MAP1S: variants seen among roughly 807,000 people sequenced by gnomAD.
MAP1S encodes the protein microtubule associated protein 1S.
A neutral mutation model predicts 60.9 loss-of-function variants in MAP1S; 27 were observed. The ratio of observed to expected loss-of-function variants is 0.44; its 90% CI spans 0.33 to 0.61. The LOEUF is 0.61. MAP1S is among the 20% of genes least tolerant of loss of function. The pLI is 0.03. For missense variants in MAP1S, 1,608 were observed against 1,486.6 expected, an observed-to-expected ratio of 1.08 and a Z score of -1.34; for synonymous variants, 826 against 694.2, an observed-to-expected ratio of 1.19 and a Z score of -2.98.
chr19:17,727,218 G>C lies in MAP1S; in HGVS notation c.1834G>C (p.Glu612Gln). The change falls in exon 5 of 7, where the codon GAG becomes CAG. Residue 612 changes from glutamate to glutamine, a missense_variant. Physicochemically the swap from Glu to Gln is conservative, Grantham distance 29. This residue lies in a region of MAP1S where 1,167 missense variants were observed against 961.4 expected (regional missense o/e 1.21). Coordinates refer to ENST00000324096, the MANE Select transcript of MAP1S (RefSeq NM_018174.6). The surrounding 1 kb of genome is among the most constrained non-coding windows in gnomAD (Gnocchi z 4.1). Reference sequence around the variant, plus strand: ...CCAGCTGGTGGCCACGCCCAGCCTGGAGCTGGGGCCGATCCCAGCCGGGGA... The same window carrying C: ...CCAGCTGGTGGCCACGCCCAGCCTGCAGCTGGGGCCGATCCCAGCCGGGGA... ...ASQLVATPSL[E>Q]LGPIPAGEEK... 3.2e-6 allele frequency: 5 copies of C among 1,568,360 alleles called. No homozygotes were observed. In the Middle Eastern group the frequency reaches 6.7e-4, roughly 209 times the overall value.
At chr19:17,732,404 G>A (rs1385373490) in intron 5 of MAP1S, among the ~76,000 whole-genome samples, 3 of 152,280 alleles carry the variant, frequency 2.0e-5, no homozygotes, top group Admixed American at 6.5e-5. Context: ...TCTTGTGCCC[G>A]AGACCCAGCC....
At position 17,726,698 on chromosome 19, in the gene MAP1S, C is replaced by T. The variant is rs755373573; in HGVS notation, c.1314C>T (p.Pro438=). The T allele has an allele frequency of 5.5e-5, 87 of 1,589,310 alleles. No individual in the cohort carries two copies. The highest frequency in any genetic ancestry group is 6.8e-5 in the Non-Finnish European group (80 of 1,171,710). ...TGCTGTTCCCCGGTTGCACCCCGCC[C>T]GCCTGCCTCCTGGACGGCCTGGTCC... is the stretch of plus-strand genomic sequence containing the variant. ...VRVLFPGCTP[P]ACLLDGLVRL... The change falls in exon 5 of 7, where the codon CCC becomes CCT. Residue 438 remains proline, a synonymous_variant. Coordinates refer to ENST00000324096, the MANE Select transcript of MAP1S (RefSeq NM_018174.6).
At position 17,728,188 on chromosome 19, in the gene MAP1S, G is replaced by C; in HGVS notation, c.2788+16G>C. The C allele has an allele frequency of 2.6e-6, 4 of 1,554,752 alleles. No homozygotes were observed. Among genetic ancestry groups the C allele is most frequent in the Non-Finnish European group, 3.5e-6 (4 of 1,148,158 alleles). On this transcript the variant is annotated intron_variant, in intron 5 of 6. Transcript: ENST00000324096. ...GGCCCGTCGGGTGAGTACTGGAGCT[G>C]GGGCCCTGGGCTGGGTTAGCAGCTG...
intron 5 of MAP1S, among the ~76,000 whole-genome samples, chr19:17,730,123 G>A (rs1249750087): frequency 6.6e-6 from 1 of 152,030 alleles, no homozygotes; most frequent in Non-Finnish European, 1.5e-5. Flanking sequence ...TTTAATTTTG[G>A]ATGAACCGCC....
chr19:17,722,789 G>C (rs1275241169), intron 2 of MAP1S, among the ~76,000 whole-genome samples: 1 of 149,218 alleles, frequency 6.7e-6, no homozygotes, highest in Non-Finnish European at 1.5e-5. Flanking sequence ...GAGGGAGGGG[G>C]AGAGGGAGGG....
At position 17,727,621 on chromosome 19, in the gene MAP1S, A is replaced by G; in HGVS notation, c.2237A>G (p.Glu746Gly). 1 of 1,607,596 alleles carries G rather than the reference A, an allele frequency of 6.2e-7. No homozygotes were observed. ...TGCCTGGTGTCACCCTGTGAATTTG[A>G]GCATCGCAAGGCGGTGCCAATGGCA... ...DLCLVSPCEF[E>G]HRKAVPMAPA... Residue 746 changes from glutamate to glycine, a missense_variant, in exon 5 of 7, where the codon GAG (glutamate) becomes GGG (glycine). By Grantham distance (98) the Glu-to-Gly change is moderately conservative. Around this residue, in one of 4 missense-constraint regions of MAP1S, gnomAD observed 1,167 missense variants for 961.4 expected, o/e 1.21. Transcript: ENST00000324096. The surrounding 1 kb of genome is among the most constrained non-coding windows in gnomAD (Gnocchi z 4.1).
rs565421095 is a variant in MAP1S at position 17,719,845 on chromosome 19, G to C, written c.118+225G>C. 9.6e-3 allele frequency: 1,548 copies of C among 160,446 alleles called. 22 individuals are homozygous for C. The highest frequency in any genetic ancestry group is 0.022 in the Middle Eastern group (7 of 316). The allele number at this position is 160,446 out of a possible 1,614,324, so 9.9% of individuals were successfully genotyped here. On this transcript the variant is annotated intron_variant, in intron 1 of 6. Transcript: ENST00000324096. ...CGGAGAAAGTGGCATCCGGGCCTGG[G>C]CTGGGCAGGGCTGCCCCGCCCCAAC...
At chr19:17,723,787 G>A (rs772479820) in intron 2 of MAP1S, among the ~76,000 whole-genome samples, 11 of 152,130 alleles carry the variant, frequency 7.2e-5, no homozygotes, top group Admixed American at 1.3e-4. Flanking sequence ...GAGGAGGAGC[G>A]GAGCTTGCAG....
Position 17,720,573 on chromosome 19 carries a change from C to T in MAP1S, c.119-363C>T, listed in dbSNP as rs1850738213. 3.6e-6 allele frequency: 5 copies of T among 1,405,916 alleles called. No individual in the cohort carries two copies. In the East Asian group the frequency reaches 1.3e-4, roughly 36 times the overall value. 87.1% of individuals were successfully genotyped at this position (1,405,916 alleles called of 1,614,324 possible). The stretch of plus-strand genomic sequence containing the variant: ...CCGAAGGTGCTGAGGGGGAAGGGCC[C>T]CCTGGCCAGTAGGAACAGGTGGGGG... On this transcript the variant is annotated intron_variant, in intron 1 of 6. Transcript: ENST00000324096.
rs2080452564 is a variant in MAP1S, at chr19:17,727,737, A to C, written c.2353A>C (p.Thr785Pro). ...GCTGGGGGCCGAGGAGACGCCACCCACATCGGTCAGCGAGTCCCTGCCCAC... is the reference window on the plus strand; with the variant it reads ...GCTGGGGGCCGAGGAGACGCCACCCCCATCGGTCAGCGAGTCCCTGCCCAC... ...GGLGAEETPP[T>P]SVSESLPTLS... The change falls in exon 5 of 7, where the codon ACA becomes CCA. Residue 785 changes from threonine to proline, a missense_variant. This residue lies in a region of MAP1S where 1,167 missense variants were observed against 961.4 expected (regional missense o/e 1.21). Transcript: ENST00000324096. The surrounding 1 kb of genome is among the most constrained non-coding windows in gnomAD (Gnocchi z 4.1). 1.2e-6 allele frequency: 2 copies of C among 1,606,426 alleles called. No homozygotes were observed. Among genetic ancestry groups the C allele is most frequent in the Non-Finnish European group, 1.7e-6 (2 of 1,176,306 alleles).
Position 17,724,133 on chromosome 19 carries a change from G to C in MAP1S, c.228G>C (p.Arg76=). The C allele has an allele frequency of 6.2e-7, 1 of 1,613,816 alleles. No individual in the cohort carries two copies. The highest frequency in any genetic ancestry group is 1.1e-5 in the South Asian group (1 of 91,070). Residue 76 remains arginine, a synonymous_variant, in exon 3 of 7, where the codon CGG becomes CGC. Transcript: ENST00000324096. ...GGCCTGATTCCCCCACAGGCCAGCGGAGCCTGCACCACCGTGGAGACAACC... is the reference window on the plus strand; with the variant it reads ...GGCCTGATTCCCCCACAGGCCAGCGCAGCCTGCACCACCGTGGAGACAACC... The part of the protein sequence containing the change: ...ATFSSIVKGQ[R]SLHHRGDNLE...
chr19:17,720,462 AG>A lies in MAP1S; in HGVS notation c.119-472del, dbSNP rs372982771. 1.2e-4 allele frequency: 191 copies of A among 1,531,728 alleles called. 2 individuals carry two copies. The Middle Eastern group carries it at 3.7e-3, about 30-fold the overall frequency. The allele number at this position is 1,531,728 out of a possible 1,614,324, so 94.9% of individuals were successfully genotyped here. A position where few individuals can be genotyped will look rare whatever the true frequency, so the allele number is the denominator to read the frequency against. ...TTTGGGGATGGACCCAAAGCGAGTG[AG>A]GAGATGGAACAAGCTTCCAGCTCAC... On this transcript the variant is annotated intron_variant, in intron 1 of 6. Transcript: ENST00000324096.
In MAP1S at chr19:17,733,180, C is replaced by T. The variant is rs79755265; in HGVS notation, c.2789-13C>T. On this transcript the variant is annotated splice_polypyrimidine_tract_variant and intron_variant, in intron 5 of 6. Coordinates refer to ENST00000324096, the MANE Select transcript of MAP1S (RefSeq NM_018174.6). ...AGGAGCTCATCCCTGCCTCCCCATC[C>T]CCCCGCCCGCAGGGTCAGCCAGCAG... 2.2e-5 allele frequency: 34 copies of T among 1,516,286 alleles called. No individual in the cohort carries two copies. Among genetic ancestry groups the T allele is most frequent in the African/African-American group, 2.8e-5 (2 of 72,268 alleles). 93.9% of individuals were successfully genotyped at this position (1,516,286 alleles called of 1,614,324 possible).
chr19:17,724,014 C>T (rs1046644555), intron 2 of MAP1S, 112 bp from the exon 3 acceptor site: 18 of 740,906 alleles, frequency 2.4e-5, no homozygotes, highest in Admixed American at 1.1e-4. Flanking sequence ...CTCTGCCGTG[C>T]GCCTGTTAAT....
chr19:17,721,106 G>A, intron 2 of MAP1S, 69 bp downstream of exon 2: 3 of 1,236,360 alleles, frequency 2.4e-6, no homozygotes, highest in East Asian at 2.3e-5. Flanking sequence ...CGTGTGCCAG[G>A]CATGGGGGGT....
chr19:17,733,456 G>A (rs1005870766), intron 6 of MAP1S, 28 bp downstream of exon 6: 3 of 1,536,848 alleles, frequency 2.0e-6, no homozygotes, highest in Non-Finnish European at 2.6e-6. Context: ...GCCTCTGGTG[G>A]TAAGTGTAGT....
rs377353862 is a variant in MAP1S at position 17,727,951 on chromosome 19, C to G, written c.2567C>G (p.Thr856Arg). 2.1e-5 allele frequency: 34 copies of G among 1,607,514 alleles called. No individual in the cohort carries two copies. The highest frequency in any genetic ancestry group is 1.7e-4 in the Middle Eastern group (1 of 6,052). The change falls in exon 5 of 7, where the codon ACG (threonine) becomes AGG (arginine). Residue 856 changes from threonine to arginine, a missense_variant. Physicochemically the swap from Thr to Arg is moderately conservative, Grantham distance 71 (BLOSUM62 -1). Coordinates refer to ENST00000324096, the MANE Select transcript of MAP1S (RefSeq NM_018174.6). This position sits in a 1 kb window ranked among gnomAD's most constrained non-coding sequence, Gnocchi z 4.1. Reference sequence around the variant, plus strand: ...CTGCCCCCCAAGACAGCACGGCAAACGGAGAACGTCAGCCGCACCCGGAAG... The same window carrying G: ...CTGCCCCCCAAGACAGCACGGCAAAGGGAGAACGTCAGCCGCACCCGGAAG... ...EMLPPKTARQ[T>R]ENVSRTRKPL...
chr19:17,722,236 G>A (rs577295098), intron 2 of MAP1S, among the ~76,000 whole-genome samples: 1 of 71,338 alleles, frequency 1.4e-5, no homozygotes, highest in East Asian at 2.1e-4. Context: ...AGGATTTTTT[G>A]AGGTCAGGAG....
chr19:17,720,070 G>T (rs1411910398), intron 1 of MAP1S: 7 of 1,105,294 alleles, frequency 6.3e-6, no homozygotes, highest in Non-Finnish European at 4.5e-6. Context: ...GAGCCCCGGG[G>T]CCCGCTTTCT....
Sources: allele counts gnomAD v4.1 joint callset (sites outside exome capture counted in the v4.1 genomes callset), GRCh38; gene constraint gnomAD v4.1.1; regional missense constraint gnomAD v4.1.1; non-coding constraint Gnocchi (gnomAD v3.1); transcripts MANE v1.5; gene names NCBI Gene and HGNC (gene_info 2026-07-23, HGNC 2026-07-21).